BMPR1B: variants seen among roughly 807,000 people sequenced by gnomAD.
BMPR1B encodes the protein bone morphogenetic protein receptor type-1B.
Under a neutral mutation model 59.1 loss-of-function variants are expected in BMPR1B, and 12 were observed. That is an observed-to-expected ratio of 0.20 (90% CI 0.13 to 0.33). The LOEUF (loss-of-function observed/expected upper bound fraction) is 0.33, where lower values mean the gene tolerates loss of function less well. BMPR1B is among the 10% of genes least tolerant of loss of function. The probability of loss-of-function intolerance (pLI) is 1.00; values close to 1 mark genes in which losing one functional copy is unlikely to be tolerated. For missense variants in BMPR1B, 550 were observed against 610.9 expected (o/e 0.90, Z 1.05); for synonymous variants, 237 against 207.3 (o/e 1.14, Z -1.23).
intron 2 of BMPR1B, among the ~76,000 whole-genome samples, chr4:94,955,194 A>G (rs562030123): frequency 1.8e-4 from 28 of 152,332 alleles, no homozygotes; most frequent in Non-Finnish European, 3.7e-4. Context: ...GCTGAAGATG[A>G]TTCAATTTCT....
At chr4:94,836,329 G>T (rs1012085496) in intron 1 of BMPR1B, among the ~76,000 whole-genome samples, 1 of 150,266 alleles carries the variant, frequency 6.7e-6, no homozygotes, top group African/African-American at 2.5e-5. Flanking sequence ...CTGAGGAATC[G>T]CCACACTGAC....
intron 1 of BMPR1B, among the ~76,000 whole-genome samples, chr4:94,826,543 C>A (rs1277254785): frequency 6.6e-6 from 1 of 151,918 alleles, no homozygotes; most frequent in East Asian, 1.9e-4. Flanking sequence ...AATGTGGAAT[C>A]GTTGAAATTC....
chr4:94,795,128 C>G (rs373242800), intron 1 of BMPR1B, among the ~76,000 whole-genome samples: 1 of 144,490 alleles, frequency 6.9e-6, no homozygotes, highest in Admixed American at 6.9e-5. Context: ...CCAGTTTTTG[C>G]CCATTGAGTA....
chr4:94,887,765 T>TA (rs1727240608), intron 2 of BMPR1B, among the ~76,000 whole-genome samples: 1 of 151,874 alleles, frequency 6.6e-6, no homozygotes, highest in Non-Finnish European at 1.5e-5. Context: ...AGACTGGCAA[T>TA]AAAGGAATAA....
At chr4:94,833,191 T>TGA (rs1205925053) in intron 1 of BMPR1B, among the ~76,000 whole-genome samples, 5 of 66,922 alleles carry the variant, frequency 7.5e-5, no homozygotes, top group South Asian at 6.3e-4. Flanking sequence ...AGACTCTTTC[T>TGA]CAAAAAAAAA....
chr4:94,931,770 T>A (rs1729100838), intron 2 of BMPR1B, among the ~76,000 whole-genome samples: 1 of 152,124 alleles, frequency 6.6e-6, no homozygotes, highest in South Asian at 2.1e-4. Flanking sequence ...GAGGGCTGCA[T>A]GCTTAAAAAT....
intron 1 of BMPR1B, among the ~76,000 whole-genome samples, chr4:94,847,177 A>T (rs1427712790): frequency 1.3e-5 from 2 of 152,220 alleles, no homozygotes; most frequent in East Asian, 1.9e-4. Context: ...ACAGGTATAT[A>T]AAAAGGTGCT....
intron 3 of BMPR1B, among the ~76,000 whole-genome samples, chr4:95,007,828 A>G (rs1722956965): frequency 6.6e-6 from 1 of 152,232 alleles, no homozygotes. Context: ...ATAAAGAAAT[A>G]AATACCTAAT....
At chr4:95,084,249 A>G (rs1729393191) in intron 3 of BMPR1B, among the ~76,000 whole-genome samples, 1 of 150,926 alleles carries the variant, frequency 6.6e-6, no homozygotes, top group South Asian at 2.1e-4. Flanking sequence ...AAAATTTTAT[A>G]TATTTTATAT....
At chr4:94,777,875 A>G (rs561911073) in intron 1 of BMPR1B, among the ~76,000 whole-genome samples, 5 of 152,126 alleles carry the variant, frequency 3.3e-5, no homozygotes, top group African/African-American at 4.8e-5. Context: ...AAAATACAAA[A>G]ATTAGCTGGG....
chr4:94,877,730 T>G (rs1726785139), intron 2 of BMPR1B, among the ~76,000 whole-genome samples: 1 of 152,192 alleles, frequency 6.6e-6, no homozygotes. Context: ...AAGTAGAAAC[T>G]GAAATGCAAA....
At chr4:95,107,714 A>T (rs1294291588) in intron 4 of BMPR1B, among the ~76,000 whole-genome samples, 1 of 152,108 alleles carries the variant, frequency 6.6e-6, no homozygotes, top group African/African-American at 2.4e-5. Context: ...AGTTATGATG[A>T]TATGATAGAA....
chr4:95,144,624 T>C (rs1163883340), intron 10 of BMPR1B, among the ~76,000 whole-genome samples: 1 of 152,188 alleles, frequency 6.6e-6, no homozygotes, highest in East Asian at 1.9e-4. Context: ...TCTGAATCTC[T>C]TTAGTACTCA....
At chr4:95,093,286 C>A (rs1560647389) in intron 3 of BMPR1B, among the ~76,000 whole-genome samples, 1 of 151,892 alleles carries the variant, frequency 6.6e-6, no homozygotes, top group Non-Finnish European at 1.5e-5. Context: ...TTTATATAAA[C>A]ATTTTGATTG....
intron 2 of BMPR1B, among the ~76,000 whole-genome samples, chr4:94,881,631 A>G (rs1160327136): frequency 6.6e-6 from 1 of 151,916 alleles, no homozygotes; most frequent in East Asian, 1.9e-4. Flanking sequence ...ACACCCAGCT[A>G]ATTTTTGTAT....
chr4:94,960,335 T>G (rs977686152), intron 2 of BMPR1B, among the ~76,000 whole-genome samples: 3 of 152,158 alleles, frequency 2.0e-5, no homozygotes, highest in Non-Finnish European at 4.4e-5. Flanking sequence ...CTTTAAGAGA[T>G]ATTTATCTTC....
At chr4:94,959,467 T>A (rs1336197956) in intron 2 of BMPR1B, among the ~76,000 whole-genome samples, 1 of 152,154 alleles carries the variant, frequency 6.6e-6, no homozygotes, top group Non-Finnish European at 1.5e-5. Flanking sequence ...TCATTGGTAA[T>A]CCATGAGTCA....
intron 2 of BMPR1B, among the ~76,000 whole-genome samples, chr4:94,962,245 C>T (rs6823028): frequency 6.6e-6 from 1 of 151,548 alleles, no homozygotes; most frequent in Non-Finnish European, 1.5e-5. Flanking sequence ...TCATGCGATT[C>T]TCTTGCCTCA....
intron 2 of BMPR1B, among the ~76,000 whole-genome samples, chr4:94,978,345 G>A (rs145235348): frequency 6.6e-6 from 1 of 152,342 alleles, no homozygotes; most frequent in Non-Finnish European, 1.5e-5. Context: ...TCATGCATTT[G>A]CAGTCAGATG....
Sources: gnomAD v4.1 joint callset for allele counts (sites outside exome capture counted in the v4.1 genomes callset) on GRCh38, gnomAD v4.1.1 for gene constraint, MANE v1.5 for transcripts, NCBI Gene and HGNC (gene_info 2026-07-23, HGNC 2026-07-21) for gene names.